Variants in KLHDC4 observed in about 807,000 individuals in gnomAD.
KLHDC4 encodes kelch domain-containing protein 4.
KLHDC4 carries 90 observed loss-of-function variants against 62.4 expected under a neutral mutation model. The ratio of observed to expected loss-of-function variants is 1.44; its 90% confidence interval spans 1.22 to 1.72. The LOEUF (loss-of-function observed/expected upper bound fraction) is 1.72. Among genes scored for constraint, KLHDC4 ranks in the 40% most tolerant of loss-of-function variants. The pLI, the probability that KLHDC4 is intolerant of heterozygous loss-of-function variation, is 0.00. For missense variants in KLHDC4, 1,025 were observed against 699.7 expected (o/e 1.47, Z -5.25); for synonymous variants, 386 against 284.4 (o/e 1.36, Z -3.59).
chr16:87,752,808 G>T (rs776193515), intron 4 of KLHDC4, among the ~76,000 whole-genome samples: 5 of 152,210 alleles, frequency 3.3e-5, no homozygotes, highest in East Asian at 1.9e-4. Context: ...CTCAAGGGAA[G>T]ATTAAAACTA....
rs567500350 is a variant in KLHDC4, at chr16:87,714,921, C to G, written c.760-348G>C. ...ACAGAGTCACTCTTTGTTCCTGATCCCGGTGGATCCCCACCGCCTTCCAAA... is the reference window on the plus strand; with the variant it reads ...ACAGAGTCACTCTTTGTTCCTGATCGCGGTGGATCCCCACCGCCTTCCAAA... On this transcript the variant is annotated intron_variant, in intron 7 of 11. Transcript: ENST00000270583. 1.5e-4 allele frequency among the ~76,000 whole-genome samples: 23 copies of G among 152,304 alleles called. No homozygotes were observed. The East Asian group carries it at 4.4e-3, about 29-fold the overall frequency.
chr16:87,744,822 C>A (rs1396547864), intron 5 of KLHDC4, among the ~76,000 whole-genome samples: 1 of 152,070 alleles, frequency 6.6e-6, no homozygotes, highest in African/African-American at 2.4e-5. Flanking sequence ...AGTGTGCACG[C>A]ACCAGGTTCT....
intron 5 of KLHDC4, 47 bp downstream of exon 5, chr16:87,748,626 C>T: frequency 6.2e-7 from 1 of 1,610,790 alleles, no homozygotes; most frequent in Non-Finnish European, 8.5e-7. Context: ...AGCACACAAG[C>T]ACAGAAGAGC....
intron 3 of KLHDC4, 46 bp downstream of exon 3, chr16:87,756,353 G>A (rs756792344): frequency 7.4e-7 from 1 of 1,360,398 alleles, no homozygotes; most frequent in Non-Finnish European, 1.1e-6. Flanking sequence ...TCTGTCAAAT[G>A]ATACTCACGC....
intron 8 of KLHDC4, among the ~76,000 whole-genome samples, chr16:87,713,822 G>A (rs554136564): frequency 9.9e-5 from 15 of 152,184 alleles, no homozygotes; most frequent in Non-Finnish European, 2.2e-4. Context: ...AGAGAATGAT[G>A]ATTGTTCCCC....
At chr16:87,740,154 G>C (rs1257221230) in intron 5 of KLHDC4, among the ~76,000 whole-genome samples, 1 of 152,182 alleles carries the variant, frequency 6.6e-6, no homozygotes, top group Non-Finnish European at 1.5e-5. Flanking sequence ...AGTGCCTGGA[G>C]AAACGCTGGC....
At chr16:87,742,331 A>G (rs1349265890) in intron 5 of KLHDC4, among the ~76,000 whole-genome samples, 1 of 152,214 alleles carries the variant, frequency 6.6e-6, no homozygotes, top group Non-Finnish European at 1.5e-5. Context: ...CTGACCTGCC[A>G]AACCACCGTT....
chr16:87,738,164 C>CA (rs2041662228), intron 5 of KLHDC4, among the ~76,000 whole-genome samples: 1 of 152,174 alleles, frequency 6.6e-6, no homozygotes, highest in Admixed American at 6.5e-5. Flanking sequence ...CTGAGACTCT[C>CA]AGAGGCCAGT....
intron 5 of KLHDC4, among the ~76,000 whole-genome samples, chr16:87,747,306 G>A (rs1782955989): frequency 6.6e-6 from 1 of 152,096 alleles, no homozygotes. Flanking sequence ...TACCAAAGCT[G>A]ACAAAATGCT....
At position 87,709,630 on chromosome 16, in the gene KLHDC4, C is replaced by T. The variant is rs753750168; in HGVS notation, c.1082G>A (p.Arg361Lys). The T allele has an allele frequency of 3.7e-6, 6 of 1,606,306 alleles. No individual in the cohort carries two copies. Among genetic ancestry groups the T allele is most frequent in the Non-Finnish European group, 4.3e-6 (5 of 1,176,298 alleles). Residue 361 changes from arginine to lysine, a missense_variant, in exon 10 of 12, where the codon AGA becomes AAA. Coordinates refer to ENST00000270583, the MANE Select transcript of KLHDC4 (RefSeq NM_017566.4). The stretch of plus-strand genomic sequence containing the variant: ...GCTACCACCTTCGGGCTCCTCTTTT[C>T]TGCCCCGCCTGCGTTTCTTCTTTTC... Reference protein sequence around the residue: ...KSEKKKRRRGRKEEPEGGSRP... With the variant: ...KSEKKKRRRGKKEEPEGGSRP...
At chr16:87,760,243 A>G (rs1220556335) in intron 2 of KLHDC4, among the ~76,000 whole-genome samples, 2 of 151,232 alleles carry the variant, frequency 1.3e-5, no homozygotes, top group African/African-American at 4.9e-5. Context: ...TTAAAAAAAA[A>G]AAAAAAGAAA....
At position 87,765,831 on chromosome 16, in the gene KLHDC4, C is replaced by A. The variant is rs1157776398; in HGVS notation, c.60G>T (p.Lys20Asn). Residue 20 changes from lysine (K) to asparagine (N), a missense_variant, in exon 1 of 12, where the codon AAG (lysine) becomes AAT (asparagine). Coordinates refer to ENST00000270583, the MANE Select transcript of KLHDC4 (RefSeq NM_017566.4). ...KGRGAEKTAA[K>N]MEKKVSKRSR... Reference sequence around the variant, plus strand: ...AGCGCTTAGACACCTTCTTCTCCATCTTGGCGGCCGTCTTCTCCGCGCCGC... The same window carrying A: ...AGCGCTTAGACACCTTCTTCTCCATATTGGCGGCCGTCTTCTCCGCGCCGC... 1 of 1,562,156 alleles carries A rather than the reference C, an allele frequency of 6.4e-7. No individual in the cohort carries two copies. Among genetic ancestry groups the A allele is most frequent in the Non-Finnish European group, 8.7e-7 (1 of 1,152,594 alleles).
chr16:87,708,084 C>A lies in KLHDC4; in HGVS notation c.*2-9G>T. 1.7e-6 allele frequency: 1 copy of A among 601,056 alleles called. No individual in the cohort carries two copies. Among genetic ancestry groups the A allele is most frequent in the Middle Eastern group, 2.6e-4 (1 of 3,854 alleles). The allele number at this position is 601,056 out of a possible 1,614,324, so 37.2% of individuals were successfully genotyped here. On this transcript the variant is annotated splice_polypyrimidine_tract_variant and intron_variant, in intron 11 of 11. Coordinates refer to ENST00000270583, the MANE Select transcript of KLHDC4 (RefSeq NM_017566.4). ...CCCTGGCAGGGGCTCTTCTGATACG[C>A]AAGGAGGAAGGAATGAGAGAGAAAC...
chr16:87,702,094 C>A (rs913930590), exon 1 of KLHDC4: 3 of 456,218 alleles, frequency 6.6e-6, no homozygotes, highest in Admixed American at 2.3e-5. Context: ...GAGATCAGAA[C>A]AGCCTTCGGG....
intron 2 of KLHDC4, among the ~76,000 whole-genome samples, chr16:87,759,358 C>G (rs2045513258): frequency 6.6e-6 from 1 of 150,908 alleles, no homozygotes; most frequent in Non-Finnish European, 1.5e-5. Context: ...CCAGAGGTTG[C>G]AGTGAGCTGA....
Position 87,726,738 on chromosome 16 carries a change from T to C in KLHDC4, c.759+27A>G, listed in dbSNP as rs75125994. 2.5e-3 allele frequency: 3,687 copies of C among 1,447,290 alleles called. 219 individuals are homozygous for C. In the African/African-American group the frequency reaches 0.05, roughly 20 times the overall value. The allele number at this position is 1,447,290 out of a possible 1,614,324, so 89.7% of individuals were successfully genotyped here. On this transcript the variant is annotated intron_variant, in intron 7 of 11. Coordinates refer to ENST00000270583, the MANE Select transcript of KLHDC4 (RefSeq NM_017566.4). Reference sequence around the variant, plus strand: ...TCGCCTGTTTCCCGGTCCCACGCCTTGCCTGTTTCCCCACCCCCCGCCTTA... The same window carrying C: ...TCGCCTGTTTCCCGGTCCCACGCCTCGCCTGTTTCCCCACCCCCCGCCTTA...
chr16:87,756,707 T>C (rs1456414831), intron 2 of KLHDC4, among the ~76,000 whole-genome samples: 5 of 140,568 alleles, frequency 3.6e-5, no homozygotes, highest in African/African-American at 5.5e-5. Context: ...TGACACAGTG[T>C]CTGGTTGTAT....
At chr16:87,699,356 C>G (rs1179840135) in exon 1 of KLHDC4, 4 of 152,244 alleles carry the variant, frequency 2.6e-5, no homozygotes, top group Non-Finnish European at 5.9e-5. Context: ...ATCAGGCATG[C>G]AATGCCTGAG....
intron 5 of KLHDC4, among the ~76,000 whole-genome samples, chr16:87,735,299 CA>C (rs58357546): frequency 0.1 from 7,311 of 72,522 alleles, 527 homozygotes; most frequent in African/African-American, 0.28. Context: ...GACTCCGTCT[CA>C]AAAAAAAAAA....
Sources: gnomAD v4.1 joint callset for allele counts (sites outside exome capture counted in the v4.1 genomes callset) on GRCh38, gnomAD v4.1.1 for gene constraint, MANE v1.5 for transcripts, NCBI Gene and HGNC (gene_info 2026-07-23, HGNC 2026-07-21) for gene names.